Variants in CCL17 observed in about 807,000 individuals in gnomAD.
CCL17 encodes the protein C-C motif chemokine 17.
Under a neutral mutation model 7.4 loss-of-function variants are expected in CCL17, and 8 were observed. The observed-to-expected ratio is 1.09, with a 90% CI of 0.64 to 1.96. The LOEUF (loss-of-function observed/expected upper bound fraction) is 1.96. Ranked by LOEUF, CCL17 falls within the 30% of genes most tolerant of loss-of-function variation. CCL17 has a pLI of 0.00. For missense variants in CCL17, 102 were observed against 113.0 expected (o/e 0.90, Z 0.44); for synonymous variants, 40 against 46.1 (o/e 0.87, Z 0.54).
chr16:57,411,800 C>T (rs982778915), intron 1 of CCL17, among the ~76,000 whole-genome samples: 2 of 152,254 alleles, frequency 1.3e-5, no homozygotes, highest in Non-Finnish European at 2.9e-5. Context: ...TGCCCTGTGC[C>T]TGCACACCTT....
chr16:57,398,500 G>A, the CCL17 span, among the ~76,000 whole-genome samples: 1 of 152,158 alleles, frequency 6.6e-6, no homozygotes, highest in Non-Finnish European at 1.5e-5. Flanking sequence ...GGCCCTCTGG[G>A]TCTCCTTGAT....
intron 1 of CCL17, among the ~76,000 whole-genome samples, chr16:57,410,162 T>A (rs1902761170): frequency 6.6e-6 from 1 of 152,140 alleles, no homozygotes; most frequent in African/African-American, 2.4e-5. Flanking sequence ...TTCCGCCCAC[T>A]GCCTCGGGGA....
Position 57,415,057 on chromosome 16 carries a change from C to T in CCL17, c.71-24C>T, listed in dbSNP as rs1183707065. On this transcript the variant is annotated intron_variant, in intron 2 of 3. Transcript: ENST00000219244. This position sits in a 1 kb window ranked among gnomAD's most constrained non-coding sequence, Gnocchi z 4.5. ...ACACACGCAGACACTCACAGACACC[C>T]CTGCCCCGCTCCTCTCCCTGCAGCT... 12 of 1,523,250 alleles carry T rather than the reference C, an allele frequency of 7.9e-6. No individual in the cohort carries two copies. The highest frequency in any genetic ancestry group is 1.1e-5 in the Non-Finnish European group (12 of 1,097,390). The allele number at this position is 1,523,250 out of a possible 1,614,324, so 94.4% of individuals were successfully genotyped here.
chr16:57,397,857 C>T, the CCL17 span, among the ~76,000 whole-genome samples: 2 of 152,158 alleles, frequency 1.3e-5, no homozygotes, highest in Non-Finnish European at 2.9e-5. Flanking sequence ...AGTACTGTTA[C>T]ATCAGTAACT....
At chr16:57,396,176 T>C in the CCL17 span, among the ~76,000 whole-genome samples, 1 of 152,230 alleles carries the variant, frequency 6.6e-6, no homozygotes. Flanking sequence ...TGTATTGCTC[T>C]GCACTGACAG....
rs1220186321 is a variant in CCL17, at chr16:57,412,240, G to A, written c.-59-1634G>A. Among the ~76,000 whole-genome samples the A allele has an allele frequency of 1.3e-5, 2 of 152,192 alleles. 1 individual carries two copies. The stretch of plus-strand genomic sequence containing the variant: ...GGTCATATAGAGGATGCTGCCCACA[G>A]AAAGATTCTGCCATGGGCAGGGAAG... On this transcript the variant is annotated intron_variant, in intron 1 of 3. Coordinates refer to ENST00000219244, the MANE Select transcript of CCL17 (RefSeq NM_002987.3).
chr16:57,403,515 AT>A (rs1902640266), upstream of CCL17, among the ~76,000 whole-genome samples: 22 of 27,332 alleles, frequency 8.0e-4, 3 homozygotes, highest in African/African-American at 6.6e-3. Flanking sequence ...TATATATTAT[AT>A]TATATATATG....
upstream of CCL17, among the ~76,000 whole-genome samples, chr16:57,403,515 A>G (rs1303724932): frequency 7.3e-5 from 2 of 27,336 alleles, no homozygotes; most frequent in Non-Finnish European, 1.0e-4. Context: ...TATATATTAT[A>G]TTATATATAT....
chr16:57,413,324 CTGCAGAG>C, intron 1 of CCL17, among the ~76,000 whole-genome samples: 1 of 152,194 alleles, frequency 6.6e-6, no homozygotes, highest in East Asian at 1.9e-4. Flanking sequence ...ATGGATCTCC[CTGCAGAG>C]TGATGCCCAT....
chr16:57,405,038 A>G (rs1417147618), intron 1 of CCL17, among the ~76,000 whole-genome samples: 2 of 152,224 alleles, frequency 1.3e-5, no homozygotes, highest in African/African-American at 4.8e-5. Context: ...AGAAAGCTCA[A>G]TGTTGGGGAG....
upstream of CCL17, among the ~76,000 whole-genome samples, chr16:57,401,069 T>TTC (rs1483984651): frequency 2.0e-5 from 3 of 152,090 alleles, no homozygotes; most frequent in African/African-American, 7.2e-5. Flanking sequence ...CTTCTTCTTT[T>TTC]TGTAAATTGT....
At chr16:57,402,960 G>C (rs1362459970), upstream of CCL17, among the ~76,000 whole-genome samples, 3 of 138,016 alleles carry the variant, frequency 2.2e-5, no homozygotes, top group African/African-American at 8.2e-5. Flanking sequence ...GAGACAGATA[G>C]TAAACAGCAG....
chr16:57,414,725 G>A (rs978853136), intron 2 of CCL17, among the ~76,000 whole-genome samples: 1 of 152,024 alleles, frequency 6.6e-6, no homozygotes, highest in Admixed American at 6.5e-5. Flanking sequence ...TATTAGGTTG[G>A]GAAAGGAAAA....
At chr16:57,414,058 G>T (rs1902828426) in intron 2 of CCL17, 56 bp downstream of exon 2, 4 of 1,429,012 alleles carry the variant, frequency 2.8e-6, no homozygotes, top group Non-Finnish European at 2.9e-6. Flanking sequence ...GGGGTTGGGG[G>T]CATGAAGACC....
upstream of CCL17, among the ~76,000 whole-genome samples, chr16:57,404,435 G>A (rs170367): frequency 0.027 from 4,044 of 152,160 alleles, 75 homozygotes; most frequent in Middle Eastern, 0.071. Flanking sequence ...GAGGCGTCAG[G>A]GATAGCGCCC....
At chr16:57,407,551 A>G (rs1296247865) in intron 1 of CCL17, among the ~76,000 whole-genome samples, 1 of 152,164 alleles carries the variant, frequency 6.6e-6, no homozygotes, top group African/African-American at 2.4e-5. Flanking sequence ...GCATTCATGC[A>G]TGTATATATC....
intron 1 of CCL17, among the ~76,000 whole-genome samples, chr16:57,409,759 C>T (rs1437258836): frequency 4.6e-5 from 7 of 152,224 alleles, no homozygotes; most frequent in South Asian, 2.1e-4. Context: ...CTGTCAGGAA[C>T]GACAGACACA....
chr16:57,414,816 C>T (rs1902842461), intron 2 of CCL17, among the ~76,000 whole-genome samples: 1 of 152,022 alleles, frequency 6.6e-6, no homozygotes, highest in African/African-American at 2.4e-5. Context: ...TCACAGGACA[C>T]ACAGAATCCC....
At chr16:57,407,951 C>G (rs1461142314) in intron 1 of CCL17, among the ~76,000 whole-genome samples, 1 of 151,918 alleles carries the variant, frequency 6.6e-6, no homozygotes, top group Admixed American at 6.6e-5. Context: ...ACCATCCGTC[C>G]ACACATCCAT....
Sources: gnomAD v4.1 joint callset for allele counts (sites outside exome capture counted in the v4.1 genomes callset) on GRCh38, gnomAD v4.1.1 for gene constraint, Gnocchi (gnomAD v3.1) non-coding constraint, MANE v1.5 for transcripts, NCBI Gene and HGNC (gene_info 2026-07-23, HGNC 2026-07-21) for gene names.